The following PCYT1A variants were observed in gnomAD, a reference collection of about 807,000 sequenced individuals.
PCYT1A encodes the protein phosphate cytidylyltransferase 1A, choline.
Under a neutral mutation model 43.7 loss-of-function variants are expected in PCYT1A, and 25 were observed. That is an observed-to-expected ratio of 0.57 (90% CI 0.42 to 0.80). PCYT1A has a LOEUF of 0.80. PCYT1A is among the 30% of genes least tolerant of loss of function. PCYT1A has a pLI of 0.00. For missense variants in PCYT1A, 421 were observed against 474.2 expected, an observed-to-expected ratio of 0.89 and a Z score of 1.04; for synonymous variants, 172 against 170.7, an observed-to-expected ratio of 1.01 and a Z score of -0.06.
In PCYT1A at chr3:196,236,515, G is replaced by A. The variant is rs1013442234; in HGVS notation, c.*2173C>T. 6.6e-6 allele frequency: 1 copy of A among 150,630 alleles called. No individual in the cohort carries two copies. Among genetic ancestry groups the A allele is most frequent in the East Asian group, 1.9e-4 (1 of 5,170 alleles). The allele number at this position is 150,630 out of a possible 1,614,324, so 9.3% of individuals were successfully genotyped here. A position where few individuals can be genotyped will look rare whatever the true frequency, so the allele number is the denominator to read the frequency against. ...GACCAGATTTAAGAGTAAGAACTGC[G>A]CTTCAAAGAAGAGTTAGAAATGTCG... On this transcript the variant is annotated 3_prime_UTR_variant, in exon 9 of 9. Transcript: ENST00000431016.
chr3:196,256,047 C>T (rs1434016759), intron 3 of PCYT1A, among the ~76,000 whole-genome samples: 1 of 152,164 alleles, frequency 6.6e-6, no homozygotes, highest in Non-Finnish European at 1.5e-5. Context: ...ACTCAAAAAT[C>T]TTATCATGAA....
At chr3:196,255,811 C>A (rs932517396) in intron 3 of PCYT1A, among the ~76,000 whole-genome samples, 4 of 152,196 alleles carry the variant, frequency 2.6e-5, no homozygotes, top group Admixed American at 6.5e-5. Context: ...CCCATCAGAT[C>A]AAATCTAAAT....
intron 3 of PCYT1A, among the ~76,000 whole-genome samples, chr3:196,249,103 C>T (rs1724666972): frequency 6.6e-6 from 1 of 151,776 alleles, no homozygotes; most frequent in African/African-American, 2.4e-5. Context: ...GGTATTCACC[C>T]TGATTTTAGG....
chr3:196,278,256 C>A (rs1227384355), intron 1 of PCYT1A, among the ~76,000 whole-genome samples: 2 of 152,182 alleles, frequency 1.3e-5, no homozygotes, highest in Non-Finnish European at 2.9e-5. Context: ...GCCCAGTAAC[C>A]ATTTGGAATA....
chr3:196,253,813 G>A (rs993039514), intron 3 of PCYT1A, among the ~76,000 whole-genome samples: 2 of 152,002 alleles, frequency 1.3e-5, no homozygotes, highest in Non-Finnish European at 2.9e-5. Flanking sequence ...GAAAGCTAGC[G>A]TTAGCCATTC....
chr3:196,247,002 T>G lies in PCYT1A; in HGVS notation c.486+365A>C, dbSNP rs921918818. ...TTGTGGCGAGTTCAGTTCCCAGCCC[T>G]GCCAGTGGTGTAACTTGTGGCGAGT... On this transcript the variant is annotated intron_variant, in intron 5 of 8. Transcript: ENST00000431016. This position sits in a 1 kb window ranked among gnomAD's most constrained non-coding sequence, Gnocchi z 4.8. Among the ~76,000 whole-genome samples the G allele has an allele frequency of 4.0e-5, 6 of 151,694 alleles. No homozygotes were observed. Among genetic ancestry groups the G allele is most frequent in the Non-Finnish European group, 7.4e-5 (5 of 67,956 alleles).
In PCYT1A at chr3:196,236,030, G is replaced by A. The variant is rs1447018487; in HGVS notation, c.*2658C>T. On this transcript the variant is annotated 3_prime_UTR_variant, in exon 9 of 9. Transcript: ENST00000431016. ...CTGAGGTGGTAGAAGCTCACCAAAA[G>A]GGGAAAGGGAGTTTCCCAATAACAT... 2.6e-5 allele frequency: 4 copies of A among 152,200 alleles called. No homozygotes were observed. The highest frequency in any genetic ancestry group is 6.5e-5 in the Admixed American group (1 of 15,280). 9.4% of individuals were successfully genotyped at this position (152,200 alleles called of 1,614,324 possible). A position where few individuals can be genotyped will look rare whatever the true frequency, so the allele number is the denominator to read the frequency against.
intron 1 of PCYT1A, 86 bp from the exon 2 acceptor site, chr3:196,270,627 A>G (rs1225003217): frequency 5.8e-6 from 5 of 859,352 alleles, no homozygotes; most frequent in East Asian, 4.8e-5. Flanking sequence ...TGACGTGGAT[A>G]CACTCAGCAA....
chr3:196,239,531 G>T lies in PCYT1A; in HGVS notation c.897+16C>A. 1 of 1,551,076 alleles carries T rather than the reference G, an allele frequency of 6.4e-7. No homozygotes were observed. The highest frequency in any genetic ancestry group is 8.9e-7 in the Non-Finnish European group (1 of 1,123,630). ...AACATGGAACTCCCTACATTGTCCA[G>T]TGGGAAAGAACATACCAGTGCTCCT... On this transcript the variant is annotated intron_variant, in intron 8 of 8. Transcript: ENST00000431016.
rs773502715 is a variant in PCYT1A, at chr3:196,247,346, A to T, written c.486+21T>A. The T allele has an allele frequency of 6.2e-7, 1 of 1,612,730 alleles. No homozygotes were observed. Among genetic ancestry groups the T allele is most frequent in the Admixed American group, 1.7e-5 (1 of 59,998 alleles). ...AGGGGATTCTGAAACAAGGAATGGG[A>T]ATATGTGTCCAGTTTCTTACCCGGT... On this transcript the variant is annotated intron_variant, in intron 5 of 8. Coordinates refer to ENST00000431016, the MANE Select transcript of PCYT1A (RefSeq NM_001312673.2). The surrounding 1 kb of genome is among the most constrained non-coding windows in gnomAD (Gnocchi z 4.8).
At chr3:196,240,861 T>C (rs1317849953) in intron 7 of PCYT1A, 7 of 152,112 alleles carry the variant, frequency 4.6e-5, no homozygotes, top group Non-Finnish European at 1.0e-4. Flanking sequence ...GATGTAATCA[T>C]TTTATCCATT....
intron 2 of PCYT1A, among the ~76,000 whole-genome samples, chr3:196,263,072 C>T (rs1387734147): frequency 1.3e-5 from 2 of 152,218 alleles, no homozygotes; most frequent in African/African-American, 2.4e-5. Context: ...GGATTACAGG[C>T]GTGAGCCACC....
chr3:196,260,969 G>T (rs771313061), intron 2 of PCYT1A, among the ~76,000 whole-genome samples: 2 of 152,148 alleles, frequency 1.3e-5, no homozygotes, highest in Non-Finnish European at 2.9e-5. Context: ...TAAACAAATG[G>T]TATGTCCACA....
chr3:196,269,919 G>A (rs2108777494), intron 2 of PCYT1A, among the ~76,000 whole-genome samples: 1 of 152,000 alleles, frequency 6.6e-6, no homozygotes, highest in East Asian at 1.9e-4. Flanking sequence ...TGTTGCCCAG[G>A]CTGGAATGCA....
chr3:196,277,235 A>AT lies in PCYT1A; in HGVS notation c.-10-6695_-10-6694insA, dbSNP rs1413402351. Among the ~76,000 whole-genome samples, 9 of 152,088 alleles carry AT rather than the reference A, an allele frequency of 5.9e-5. No homozygotes were observed. The highest frequency in any genetic ancestry group is 1.0e-4 in the Non-Finnish European group (7 of 68,020). Reference sequence around the variant, plus strand: ...ACAAGAGTGAGACTCCATTTCAAAAAAATATATATATTTTTTTCTTTACCT... The same window carrying AT: ...ACAAGAGTGAGACTCCATTTCAAAAATAATATATATATTTTTTTCTTTACCT... On this transcript the variant is annotated intron_variant, in intron 1 of 8. Coordinates refer to ENST00000431016, the MANE Select transcript of PCYT1A (RefSeq NM_001312673.2). This position sits in a 1 kb window ranked among gnomAD's most constrained non-coding sequence, Gnocchi z 4.1.
intron 5 of PCYT1A, among the ~76,000 whole-genome samples, chr3:196,244,565 C>T (rs1389174642): frequency 2.0e-5 from 3 of 152,338 alleles, no homozygotes; most frequent in Admixed American, 6.5e-5. Context: ...AGCCCCTCTG[C>T]CCGGCCACCA....
rs1257962510 is a variant in PCYT1A, at chr3:196,282,308, G to T, written c.-11+5307C>A. Among the ~76,000 whole-genome samples the T allele has an allele frequency of 1.3e-5, 2 of 152,342 alleles. No homozygotes were observed. Among genetic ancestry groups the T allele is most frequent in the African/African-American group, 4.8e-5 (2 of 41,586 alleles). On this transcript the variant is annotated intron_variant, in intron 1 of 8. Transcript: ENST00000431016. The surrounding 1 kb of genome is among the most constrained non-coding windows in gnomAD (Gnocchi z 4.3). ...AGGGACACATGTAATAGTTCTTACA[G>T]TTGAACAATTTTACTCTGCCACTAT...
Position 196,255,288 on chromosome 3 carries a change from T to C in PCYT1A, c.217+2500A>G, listed in dbSNP as rs187555447. Among the ~76,000 whole-genome samples, 260 of 152,324 alleles carry C rather than the reference T, an allele frequency of 1.7e-3. 1 individual carries two copies. The highest frequency in any genetic ancestry group is 6.0e-3 in the African/African-American group (251 of 41,584). ...CAATTATTTTGCTGAAGGCCTTCTATTCTAATGCTTACAATGAGTAGCACC... is the reference window on the plus strand; with the variant it reads ...CAATTATTTTGCTGAAGGCCTTCTACTCTAATGCTTACAATGAGTAGCACC... On this transcript the variant is annotated intron_variant, in intron 3 of 8. Transcript: ENST00000431016.
At position 196,242,134 on chromosome 3, in the gene PCYT1A, T is replaced by C. The variant is rs759237890; in HGVS notation, c.566-44A>G. The C allele has an allele frequency of 6.2e-7, 1 of 1,602,648 alleles. No individual in the cohort carries two copies. The highest frequency in any genetic ancestry group is 1.1e-5 in the South Asian group (1 of 90,808). ...CAGACAAACACTGTGAGGTTCTGGT[T>C]AGCTCAGGTATTAAGACTAAATGGA... On this transcript the variant is annotated intron_variant, in intron 6 of 8. Coordinates refer to ENST00000431016, the MANE Select transcript of PCYT1A (RefSeq NM_001312673.2). This position sits in a 1 kb window ranked among gnomAD's most constrained non-coding sequence, Gnocchi z 4.2.
Sources: allele counts gnomAD v4.1 joint callset (sites outside exome capture counted in the v4.1 genomes callset), GRCh38; gene constraint gnomAD v4.1.1; non-coding constraint Gnocchi (gnomAD v3.1); transcripts MANE v1.5; gene names NCBI Gene and HGNC (gene_info 2026-07-23, HGNC 2026-07-21).